SGMS2: variants seen among roughly 807,000 people sequenced by gnomAD.
SGMS2 encodes phosphatidylcholine:ceramide cholinephosphotransferase 2.
A neutral mutation model predicts 43.8 loss-of-function variants in SGMS2; 21 were observed. The observed-to-expected ratio is 0.48, with a 90% CI of 0.34 to 0.69. SGMS2 has a LOEUF of 0.69. SGMS2 is among the 30% of genes least tolerant of loss of function. The pLI, the probability that SGMS2 is intolerant of heterozygous loss-of-function variation, is 0.01. For missense variants in SGMS2, 384 were observed against 443.2 expected (o/e 0.87, Z 1.20); for synonymous variants, 167 against 160.6 (o/e 1.04, Z -0.30).
At position 107,913,940 on chromosome 4, in the gene SGMS2, A is replaced by G. The variant is rs1445960085; in HGVS notation, c.*3387A>G. 6.6e-6 allele frequency: 1 copy of G among 152,142 alleles called. No homozygotes were observed. The highest frequency in any genetic ancestry group is 1.5e-5 in the Non-Finnish European group (1 of 68,008). The allele number at this position is 152,142 out of a possible 1,614,324, so 9.4% of individuals were successfully genotyped here. On this transcript the variant is annotated 3_prime_UTR_variant, in exon 7 of 7. Coordinates refer to ENST00000690982, the MANE Select transcript of SGMS2 (RefSeq NM_001375905.1). ...TTTGTTTTGCACTGTAAAACTGATG[A>G]AAACTTTAAGCCAATCTTAATGCAC...
intron 2 of SGMS2, among the ~76,000 whole-genome samples, chr4:107,871,665 C>T (rs1024718001): frequency 3.9e-5 from 6 of 152,024 alleles, no homozygotes; most frequent in African/African-American, 7.2e-5. Flanking sequence ...CATATTTAAC[C>T]GGCAAGTACT....
chr4:107,875,810 A>T (rs1020565702), intron 2 of SGMS2, among the ~76,000 whole-genome samples: 17 of 152,190 alleles, frequency 1.1e-4, no homozygotes, highest in African/African-American at 4.1e-4. Context: ...GAGGATTTAC[A>T]GTCCTTTCTG....
intron 5 of SGMS2, among the ~76,000 whole-genome samples, chr4:107,904,296 A>G (rs1731368028): frequency 6.6e-6 from 1 of 152,038 alleles, no homozygotes; most frequent in Non-Finnish European, 1.5e-5. Context: ...GGCATATTTA[A>G]AAGGGGGTCT....
chr4:107,903,462 C>T (rs1731295200), intron 5 of SGMS2, 76 bp downstream of exon 5: 2 of 1,403,318 alleles, frequency 1.4e-6, no homozygotes, highest in East Asian at 2.3e-5. Context: ...TGATAGGAGC[C>T]CTTATTCTCT....
chr4:107,897,592 C>T (rs1310771725), intron 3 of SGMS2, among the ~76,000 whole-genome samples: 2 of 152,158 alleles, frequency 1.3e-5, no homozygotes, highest in Non-Finnish European at 2.9e-5. Context: ...GCTGTATTTT[C>T]ATCTAGATCC....
At chr4:107,843,702 G>A (rs917067715) in intron 1 of SGMS2, among the ~76,000 whole-genome samples, 3 of 152,218 alleles carry the variant, frequency 2.0e-5, no homozygotes, top group Non-Finnish European at 4.4e-5. Context: ...AGGGCATTCA[G>A]TGTGACCAAC....
At chr4:107,847,228 A>G (rs1445600516) in intron 1 of SGMS2, among the ~76,000 whole-genome samples, 1 of 152,056 alleles carries the variant, frequency 6.6e-6, no homozygotes, top group Non-Finnish European at 1.5e-5. Flanking sequence ...GTTTTCTTCT[A>G]GGGTTTTTAT....
chr4:107,836,621 C>T (rs1007886848), intron 1 of SGMS2, among the ~76,000 whole-genome samples: 2 of 152,210 alleles, frequency 1.3e-5, no homozygotes. Flanking sequence ...TCTATCACCT[C>T]ATCGTCTACC....
rs1159687734 is a variant in SGMS2, at chr4:107,911,883, TC to T, written c.*1331del. On this transcript the variant is annotated 3_prime_UTR_variant, in exon 7 of 7. Transcript: ENST00000690982. ...AATGCTATTGGATCTTTTGGATAAT[TC>T]TTGGCTTAATTTCTTAGCTACTTGA... The T allele has an allele frequency of 6.6e-6, 1 of 152,136 alleles. No individual in the cohort carries two copies. Among genetic ancestry groups the T allele is most frequent in the African/African-American group, 2.4e-5 (1 of 41,464 alleles). The allele number at this position is 152,136 out of a possible 1,614,324, so 9.4% of individuals were successfully genotyped here.
intron 1 of SGMS2, among the ~76,000 whole-genome samples, chr4:107,854,145 T>C (rs1578534444): frequency 6.6e-6 from 1 of 152,246 alleles, no homozygotes; most frequent in Admixed American, 6.5e-5. Flanking sequence ...CCAGATGGAA[T>C]GAAAACGGCT....
chr4:107,848,355 A>G (rs1012046312), intron 1 of SGMS2, among the ~76,000 whole-genome samples: 16 of 152,190 alleles, frequency 1.1e-4, no homozygotes, highest in African/African-American at 3.1e-4. Flanking sequence ...GTTTTAGGCA[A>G]TTATGAATAA....
chr4:107,907,769 A>T (rs1003511699), intron 5 of SGMS2, among the ~76,000 whole-genome samples: 1 of 152,214 alleles, frequency 6.6e-6, no homozygotes. Context: ...GAGCTAATAC[A>T]GCTTTAAAAT....
intron 1 of SGMS2, among the ~76,000 whole-genome samples, chr4:107,830,961 A>G (rs963441468): frequency 5.3e-5 from 8 of 152,222 alleles, no homozygotes; most frequent in African/African-American, 7.2e-5. Flanking sequence ...TAATGATACT[A>G]TAAGTACTAG....
intron 1 of SGMS2, among the ~76,000 whole-genome samples, chr4:107,835,794 T>C (rs1726135459): frequency 6.6e-6 from 1 of 152,232 alleles, no homozygotes; most frequent in Admixed American, 6.5e-5. Flanking sequence ...GTTGCATCTT[T>C]TGTTAATATG....
At chr4:107,843,277 C>T (rs764094830) in intron 1 of SGMS2, among the ~76,000 whole-genome samples, 34 of 151,730 alleles carry the variant, frequency 2.2e-4, no homozygotes, top group Non-Finnish European at 4.3e-4. Flanking sequence ...TGACAAAATG[C>T]GTAATTTGAA....
intron 2 of SGMS2, among the ~76,000 whole-genome samples, chr4:107,862,548 T>C (rs925116641): frequency 5.3e-5 from 8 of 152,202 alleles, no homozygotes; most frequent in Non-Finnish European, 1.2e-4. Flanking sequence ...AAGTTTTTTT[T>C]CAAAACTCTG....
intron 5 of SGMS2, 56 bp downstream of exon 5, chr4:107,903,442 G>T: frequency 6.4e-7 from 1 of 1,559,420 alleles, no homozygotes; most frequent in South Asian, 1.1e-5. Context: ...GGATCCCTGG[G>T]CCCTGAAATT....
At position 107,912,491 on chromosome 4, in the gene SGMS2, A is replaced by C. The variant is rs780776469; in HGVS notation, c.*1938A>C. Reference sequence around the variant, plus strand: ...CAAGAACAAGGTATTCTGCTTGAAAACACTGATTTTTAAGTTCCTGTTGCC... The same window carrying C: ...CAAGAACAAGGTATTCTGCTTGAAACCACTGATTTTTAAGTTCCTGTTGCC... On this transcript the variant is annotated 3_prime_UTR_variant, in exon 7 of 7. Transcript: ENST00000690982. The C allele has an allele frequency of 4.6e-5, 7 of 152,112 alleles. No homozygotes were observed. Among genetic ancestry groups the C allele is most frequent in the Non-Finnish European group, 8.8e-5 (6 of 68,018 alleles). The allele number at this position is 152,112 out of a possible 1,614,324, so 9.4% of individuals were successfully genotyped here.
intron 1 of SGMS2, among the ~76,000 whole-genome samples, chr4:107,856,608 T>C (rs1305239849): frequency 2.0e-5 from 3 of 152,084 alleles, no homozygotes; most frequent in South Asian, 2.1e-4. Context: ...CGAGAGAGGG[T>C]GATAACCGGA....
Sources: gnomAD v4.1 joint callset for allele counts (sites outside exome capture counted in the v4.1 genomes callset) on GRCh38, gnomAD v4.1.1 for gene constraint, MANE v1.5 for transcripts, NCBI Gene and HGNC (gene_info 2026-07-23, HGNC 2026-07-21) for gene names.